Variants in KHDRBS2 observed in about 807,000 individuals in gnomAD.
KHDRBS2 encodes KH RNA binding domain containing, signal transduction associated 2, also known as KH domain-containing, RNA-binding, signal transduction-associated protein 2.
KHDRBS2 carries 26 observed loss-of-function variants against 44.3 expected under a neutral mutation model. The ratio of observed to expected loss-of-function variants is 0.59; its 90% CI spans 0.43 to 0.81. KHDRBS2 has a LOEUF of 0.81. KHDRBS2 is among the 40% of genes least tolerant of loss of function. The pLI, the probability that KHDRBS2 is intolerant of heterozygous loss-of-function variation, is 0.00. For missense variants in KHDRBS2, 476 were observed against 433.1 expected (o/e 1.10, Z -0.88); for synonymous variants, 194 against 151.1 (o/e 1.28, Z -2.08).
chr6:62,155,451 G>A (rs1024495846), intron 2 of KHDRBS2, among the ~76,000 whole-genome samples: 30 of 152,272 alleles, frequency 2.0e-4, no homozygotes, highest in African/African-American at 6.7e-4. Flanking sequence ...AAGTTTAGGA[G>A]TCATTAGCAA....
chr6:61,667,477 A>C, the KHDRBS2 span, among the ~76,000 whole-genome samples: 1 of 151,264 alleles, frequency 6.6e-6, no homozygotes, highest in African/African-American at 2.4e-5. Flanking sequence ...TTATTCATTT[A>C]ATTAAATTTG....
chr6:62,072,994 T>C (rs901959903), intron 2 of KHDRBS2, among the ~76,000 whole-genome samples: 5 of 152,132 alleles, frequency 3.3e-5, no homozygotes, highest in African/African-American at 1.2e-4. Flanking sequence ...GTTGGTACGC[T>C]ATTAATTATT....
At chr6:61,634,166 A>G in the KHDRBS2 span, among the ~76,000 whole-genome samples, 1 of 152,016 alleles carries the variant, frequency 6.6e-6, no homozygotes, top group Non-Finnish European at 1.5e-5. Context: ...AAAGGCTTTC[A>G]AATGCAGTTC....
At chr6:61,772,100 C>T (rs4502917) in intron 6 of KHDRBS2, among the ~76,000 whole-genome samples, 40 of 152,094 alleles carry the variant, frequency 2.6e-4, no homozygotes, top group Non-Finnish European at 4.0e-4. Flanking sequence ...TGAAGGCAGA[C>T]ATAAAGATGT....
Position 62,233,419 on chromosome 6 carries a change from C to T in KHDRBS2, c.91+52439G>A, listed in dbSNP as rs1437560201. ...CTAACCAATACAGTTAAATGTTAAGCTTTTAACATTTAAAGGAGATTTAAT... is the reference window on the plus strand; with the variant it reads ...CTAACCAATACAGTTAAATGTTAAGTTTTTAACATTTAAAGGAGATTTAAT... On this transcript the variant is annotated intron_variant, in intron 1 of 8. Transcript: ENST00000281156. Among the ~76,000 whole-genome samples, 3 of 152,054 alleles carry T rather than the reference C, an allele frequency of 2.0e-5. No homozygotes were observed. The East Asian group carries it at 5.8e-4, about 29-fold the overall frequency.
At chr6:61,934,260 T>C (rs941544009) in intron 4 of KHDRBS2, among the ~76,000 whole-genome samples, 1 of 152,186 alleles carries the variant, frequency 6.6e-6, no homozygotes, top group Admixed American at 6.5e-5. Context: ...GCTTGTCTCT[T>C]TACTCTGTTG....
chr6:61,949,610 AT>A (rs2127382552), intron 4 of KHDRBS2, among the ~76,000 whole-genome samples: 1 of 152,174 alleles, frequency 6.6e-6, no homozygotes, highest in South Asian at 2.1e-4. Context: ...TTGGTAATGT[AT>A]TTTTATACAT....
chr6:62,103,952 G>A (rs894913545), intron 2 of KHDRBS2, among the ~76,000 whole-genome samples: 1 of 152,026 alleles, frequency 6.6e-6, no homozygotes, highest in Non-Finnish European at 1.5e-5. Context: ...TTTACTATAA[G>A]AAACATAAGG....
intron 2 of KHDRBS2, among the ~76,000 whole-genome samples, chr6:62,091,551 T>C (rs1249138706): frequency 6.6e-6 from 1 of 152,184 alleles, no homozygotes; most frequent in Non-Finnish European, 1.5e-5. Flanking sequence ...TACAGTTTCT[T>C]AAAAGTCCAT....
At position 61,915,986 on chromosome 6, in the gene KHDRBS2, C is replaced by A. The variant is rs1270973435; in HGVS notation, c.484-14615G>T. Among the ~76,000 whole-genome samples the A allele has an allele frequency of 2.0e-5, 3 of 152,020 alleles. No individual in the cohort carries two copies. The East Asian group carries it at 5.8e-4, about 29-fold the overall frequency. Reference sequence around the variant, plus strand: ...GATCTGTGATCTCTTCCCTTTCTCACCATACAGGTAATTTATAAATTAAAT... The same window carrying A: ...GATCTGTGATCTCTTCCCTTTCTCAACATACAGGTAATTTATAAATTAAAT... On this transcript the variant is annotated intron_variant, in intron 4 of 8. Transcript: ENST00000281156.
chr6:61,611,425 T>G, the KHDRBS2 span, among the ~76,000 whole-genome samples: 1 of 152,320 alleles, frequency 6.6e-6, no homozygotes, highest in East Asian at 1.9e-4. Context: ...GAGGTAAGAC[T>G]AAGAGTTTGT....
the KHDRBS2 span, among the ~76,000 whole-genome samples, chr6:61,562,371 A>T: frequency 6.6e-6 from 1 of 152,144 alleles, no homozygotes; most frequent in South Asian, 2.1e-4. Flanking sequence ...ATCTTCTCAC[A>T]GGGTGGTCCT....
At chr6:62,062,269 C>A (rs1418281489) in intron 2 of KHDRBS2, among the ~76,000 whole-genome samples, 1 of 148,392 alleles carries the variant, frequency 6.7e-6, no homozygotes, top group East Asian at 2.0e-4. Context: ...AGCTCTGCAC[C>A]AAGCAGACCT....
At chr6:61,872,875 T>A (rs1798867058) in intron 6 of KHDRBS2, among the ~76,000 whole-genome samples, 1 of 152,158 alleles carries the variant, frequency 6.6e-6, no homozygotes, top group Non-Finnish European at 1.5e-5. Context: ...TGGAATCTGA[T>A]CTTCACATCT....
chr6:61,593,020 TAGA>T, the KHDRBS2 span, among the ~76,000 whole-genome samples: 1 of 152,080 alleles, frequency 6.6e-6, no homozygotes, highest in East Asian at 1.9e-4. Context: ...TCTATAGAAA[TAGA>T]AGAAGAAGAA....
the KHDRBS2 span, among the ~76,000 whole-genome samples, chr6:61,613,894 A>T: frequency 1.4e-4 from 22 of 152,302 alleles, no homozygotes; most frequent in Non-Finnish European, 2.9e-4. Flanking sequence ...TTACCAGATG[A>T]TATTTTCTGA....
intron 3 of KHDRBS2, among the ~76,000 whole-genome samples, chr6:61,991,415 G>T (rs567072653): frequency 5.9e-5 from 9 of 152,248 alleles, no homozygotes; most frequent in Admixed American, 1.3e-4. Flanking sequence ...TGAAGAAAAG[G>T]CTTAATGAAG....
At chr6:61,696,737 C>G (rs1223133508) in intron 8 of KHDRBS2, among the ~76,000 whole-genome samples, 1 of 151,928 alleles carries the variant, frequency 6.6e-6, no homozygotes, top group Non-Finnish European at 1.5e-5. Context: ...TATTGACTAT[C>G]AATTTTTTTG....
chr6:61,945,938 C>T (rs902767975), intron 4 of KHDRBS2, among the ~76,000 whole-genome samples: 1 of 152,128 alleles, frequency 6.6e-6, no homozygotes, highest in Non-Finnish European at 1.5e-5. Context: ...ACTAGTAAGT[C>T]TTGCATTATA....
Sources: allele counts gnomAD v4.1 joint callset (sites outside exome capture counted in the v4.1 genomes callset), GRCh38; gene constraint gnomAD v4.1.1; transcripts MANE v1.5; gene names NCBI Gene and HGNC (gene_info 2026-07-23, HGNC 2026-07-21).